DNAH11: variants seen among roughly 807,000 people sequenced by gnomAD.
DNAH11 encodes the protein axonemal beta dynein heavy chain 11.
Under a neutral mutation model 526.0 loss-of-function variants are expected in DNAH11, and 442 were observed. The ratio of observed to expected loss-of-function variants is 0.84; its 90% CI spans 0.78 to 0.91. The LOEUF (loss-of-function observed/expected upper bound fraction) is 0.91, where lower values mean the gene tolerates loss of function less well. DNAH11 is among the 40% of genes least tolerant of loss of function. DNAH11 has a pLI of 0.00. For synonymous variants in DNAH11, 2,461 were observed against 1,935.9 expected (o/e 1.27, Z -7.12); for missense variants, 6,989 against 5,448.7 (o/e 1.28, Z -8.90).
chr7:21,793,038 G>T (rs1788543902), intron 61 of DNAH11, among the ~76,000 whole-genome samples: 1 of 151,910 alleles, frequency 6.6e-6, no homozygotes, highest in Non-Finnish European at 1.5e-5. Context: ...TCCTAGTATT[G>T]CTTTTGCTGT....
intron 14 of DNAH11, among the ~76,000 whole-genome samples, chr7:21,592,007 C>T (rs924749339): frequency 1.3e-5 from 2 of 152,044 alleles, no homozygotes; most frequent in South Asian, 4.1e-4. Context: ...GATTTGAGTT[C>T]CTAAAACAGT....
intron 76 of DNAH11, among the ~76,000 whole-genome samples, chr7:21,885,914 G>T (rs956856725): frequency 3.3e-5 from 5 of 152,110 alleles, no homozygotes; most frequent in Non-Finnish European, 5.9e-5. Context: ...GCCCGGGGCT[G>T]TGTTTTCTGG....
intron 30 of DNAH11, among the ~76,000 whole-genome samples, chr7:21,676,916 G>C (rs577787081): frequency 6.6e-6 from 1 of 152,242 alleles, no homozygotes. Context: ...ATAGGTATGG[G>C]TTGTTATTGT....
Position 21,558,808 on chromosome 7 carries a change from G to T in DNAH11, c.502G>T (p.Val168Leu). ...HVSAFLDEIL[V>L]PVLSNKNNHK... ...TATGTTTCTCTTTCTCTAGATTTTA[G>T]TGCCAGTTCTTTCTAATAAGAACAA... is the stretch of plus-strand genomic sequence containing the variant. The change falls in exon 3 of 82, where the codon GTG becomes TTG. Residue 168 changes from valine (V) to leucine (L), a missense_variant. Physicochemically the swap from Val to Leu is conservative, Grantham distance 32 (BLOSUM62 1). Coordinates refer to ENST00000409508, the MANE Select transcript of DNAH11 (RefSeq NM_001277115.2). 6.3e-7 allele frequency: 1 copy of T among 1,575,358 alleles called. No homozygotes were observed.
chr7:21,568,980 G>A (rs1330798334), intron 6 of DNAH11, among the ~76,000 whole-genome samples: 1 of 152,154 alleles, frequency 6.6e-6, no homozygotes, highest in Non-Finnish European at 1.5e-5. Context: ...ACCCTCATGT[G>A]GAGGTTAATT....
At chr7:21,599,208 T>C (rs1397006983) in intron 14 of DNAH11, among the ~76,000 whole-genome samples, 1 of 152,252 alleles carries the variant, frequency 6.6e-6, no homozygotes, top group Non-Finnish European at 1.5e-5. Flanking sequence ...ACCAACAGTA[T>C]ATAAACATTC....
rs553489710 is a variant in DNAH11, at chr7:21,756,826, G to A, written c.8940+6462G>A. Among the ~76,000 whole-genome samples the A allele has an allele frequency of 6.6e-5, 10 of 152,186 alleles. No individual in the cohort carries two copies. The East Asian group carries it at 1.5e-3, about 24-fold the overall frequency. On this transcript the variant is annotated intron_variant, in intron 54 of 81. Transcript: ENST00000409508. ...CGCCTAAAATTTGTTAATGAATGTGGGAAGAATTAGCATCTTTATAATAAT... is the reference window on the plus strand; with the variant it reads ...CGCCTAAAATTTGTTAATGAATGTGAGAAGAATTAGCATCTTTATAATAAT...
In DNAH11 at chr7:21,637,607, G is replaced by A. The variant is rs1410648988; in HGVS notation, c.4726-4G>A. On this transcript the variant is annotated splice_polypyrimidine_tract_variant and splice_region_variant and intron_variant, in intron 26 of 81. Coordinates refer to ENST00000409508, the MANE Select transcript of DNAH11 (RefSeq NM_001277115.2). ...CCACGGCCCCGTATTGTACTTTCAT[G>A]CAGGAGTTAATGTTCAAGACAGCCA... The A allele has an allele frequency of 1.6e-5, 25 of 1,565,556 alleles. No homozygotes were observed. In the Middle Eastern group the frequency reaches 5.0e-4, roughly 31 times the overall value.
At position 21,749,721 on chromosome 7, in the gene DNAH11, T is replaced by C. The variant is rs1786320482; in HGVS notation, c.8717T>C (p.Met2906Thr). The C allele has an allele frequency of 6.2e-7, 1 of 1,613,912 alleles. No homozygotes were observed. Among genetic ancestry groups the C allele is most frequent in the Admixed American group, 1.7e-5 (1 of 60,010 alleles). ...NLYIRTGAKNMPTVFLLTDAQ... is the reference protein window; with the variant it reads ...NLYIRTGAKNTPTVFLLTDAQ... ...TACATCCGAACTGGAGCCAAGAACA[T>C]GCCCACTGTGTTCCTGCTGACAGAT... Residue 2906 changes from methionine (M) to threonine (T), a missense_variant, in exon 53 of 82, where the codon ATG (methionine) becomes ACG (threonine). Met to Thr is a moderately conservative substitution (Grantham distance 81). Coordinates refer to ENST00000409508, the MANE Select transcript of DNAH11 (RefSeq NM_001277115.2).
intron 22 of DNAH11, among the ~76,000 whole-genome samples, chr7:21,617,082 T>C (rs1032087125): frequency 3.9e-5 from 6 of 152,208 alleles, no homozygotes; most frequent in African/African-American, 1.2e-4. Context: ...CTAGTTGTTT[T>C]CTTATGGGTT....
Position 21,717,779 on chromosome 7 carries a change from G to A in DNAH11, c.6988G>A (p.Val2330Met), listed in dbSNP as rs766617896. Residue 2330 changes from valine (V) to methionine (M), a missense_variant, in exon 43 of 82, where the codon GTG (valine) becomes ATG (methionine). Coordinates refer to ENST00000409508, the MANE Select transcript of DNAH11 (RefSeq NM_001277115.2). The stretch of plus-strand genomic sequence containing the variant: ...CTTTTCTGTGTTCCTTTTCAGGTAT[G>A]TGGCCAGTTGGATAGACAGAAGGCG... ...NPQDLGWNPYVASWIDRRRHQ... is the reference protein window; with the variant it reads ...NPQDLGWNPYMASWIDRRRHQ... 5.0e-6 allele frequency: 8 copies of A among 1,613,604 alleles called. No individual in the cohort carries two copies. In the African/African-American group the frequency reaches 9.3e-5, roughly 19 times the overall value.
intron 30 of DNAH11, among the ~76,000 whole-genome samples, chr7:21,661,671 A>G (rs1256062715): frequency 4.6e-5 from 7 of 152,104 alleles, no homozygotes; most frequent in East Asian, 3.9e-4. Flanking sequence ...AGTAGACTCA[A>G]ATCTCAGCTT....
chr7:21,733,770 C>T (rs1785488675), intron 45 of DNAH11, among the ~76,000 whole-genome samples: 1 of 152,106 alleles, frequency 6.6e-6, no homozygotes, highest in Non-Finnish European at 1.5e-5. Flanking sequence ...ATGTCAGGCC[C>T]TTTACTGAGT....
At chr7:21,708,514 G>C (rs776711264) in intron 40 of DNAH11, among the ~76,000 whole-genome samples, 2 of 152,024 alleles carry the variant, frequency 1.3e-5, no homozygotes, top group Admixed American at 6.5e-5. Flanking sequence ...ACCTAAAGCA[G>C]ACAGAGGGGC....
chr7:21,761,428 C>T (rs1429501667), intron 54 of DNAH11, among the ~76,000 whole-genome samples: 3 of 152,174 alleles, frequency 2.0e-5, no homozygotes, highest in East Asian at 3.8e-4. Context: ...TCATCTTACT[C>T]TGTGTGTAGA....
In DNAH11 at chr7:21,884,377, G is replaced by A. The variant is rs748032246; in HGVS notation, c.12474G>A (p.Arg4158=). 90 of 1,612,720 alleles carry A rather than the reference G, an allele frequency of 5.6e-5. 2 individuals carry two copies. In the South Asian group the frequency reaches 9.2e-4, roughly 17 times the overall value. Reference sequence around the variant, plus strand: ...ATGACTGGGATCGCAAACTGTGTCGGGTGTATTTAGAAGAATTCATGAATC... The same window carrying A: ...ATGACTGGGATCGCAAACTGTGTCGAGTGTATTTAGAAGAATTCATGAATC... ...ITDDWDRKLC[R]VYLEEFMNPS... Residue 4158 remains arginine, a synonymous_variant, in exon 76 of 82, where the codon CGG becomes CGA. Coordinates refer to ENST00000409508, the MANE Select transcript of DNAH11 (RefSeq NM_001277115.2).
At chr7:21,663,602 G>T (rs1782317385) in intron 30 of DNAH11, among the ~76,000 whole-genome samples, 2 of 151,864 alleles carry the variant, frequency 1.3e-5, no homozygotes, top group Admixed American at 6.6e-5. Context: ...ATGTCCTTTG[G>T]TTTTTGTATA....
chr7:21,770,022 A>G (rs1328123802), intron 55 of DNAH11, among the ~76,000 whole-genome samples: 1 of 152,312 alleles, frequency 6.6e-6, no homozygotes, highest in Non-Finnish European at 1.5e-5. Context: ...CTCAAAACAA[A>G]AAAACAGCAT....
At chr7:21,550,196 T>C (rs994022907) in intron 2 of DNAH11, among the ~76,000 whole-genome samples, 1 of 152,204 alleles carries the variant, frequency 6.6e-6, no homozygotes, top group Non-Finnish European at 1.5e-5. Flanking sequence ...CACCCCAGTT[T>C]AGCTGTTTGC....
Sources: allele counts gnomAD v4.1 joint callset (sites outside exome capture counted in the v4.1 genomes callset), GRCh38; gene constraint gnomAD v4.1.1; transcripts MANE v1.5; gene names NCBI Gene and HGNC (gene_info 2026-07-23, HGNC 2026-07-21).